Variants in SNX19 observed in about 807,000 individuals in gnomAD.
The protein encoded by SNX19 is sorting nexin 19.
Under a neutral mutation model 85.2 loss-of-function variants are expected in SNX19, and 60 were observed. That is an observed-to-expected ratio of 0.70 (90% CI 0.57 to 0.87). The LOEUF is 0.87. Among genes scored for constraint, SNX19 ranks in the 40% least tolerant of loss-of-function variants. SNX19 has a pLI of 0.00. For synonymous variants in SNX19, 520 were observed against 470.0 expected, an observed-to-expected ratio of 1.11 and a Z score of -1.38; for missense variants, 1,201 against 1,217.8, an observed-to-expected ratio of 0.99 and a Z score of 0.21.
chr11:130,895,888 C>T (rs1345083776), intron 8 of SNX19, among the ~76,000 whole-genome samples: 1 of 152,160 alleles, frequency 6.6e-6, no homozygotes, highest in African/African-American at 2.4e-5. Context: ...ATATGACAGG[C>T]AGACCACTCA....
At chr11:130,911,893 G>T (rs1946159533) in intron 1 of SNX19, 122 bp from the exon 2 acceptor site, 1 of 934,652 alleles carries the variant, frequency 1.1e-6, no homozygotes, top group Non-Finnish European at 1.6e-6. Flanking sequence ...ACAAAGGGAG[G>T]GAGTATGTTC....
rs1592262588 is a variant in SNX19, at chr11:130,874,128, T to A, written c.*4294A>T. On this transcript the variant is annotated 3_prime_UTR_variant, in exon 11 of 11. Transcript: ENST00000265909. ...GCCTCAAATTCCTGGGCTCAAGTGA[T>A]CCTCCTGCCTCAGCCTCCCTAGTAG... 6.6e-6 allele frequency among the ~76,000 whole-genome samples: 1 copy of A among 152,032 alleles called. No homozygotes were observed. Among genetic ancestry groups the A allele is most frequent in the African/African-American group, 2.4e-5 (1 of 41,380 alleles).
At chr11:130,911,585 C>T in intron 2 of SNX19, 48 bp downstream of exon 2, 2 of 1,610,770 alleles carry the variant, frequency 1.2e-6, no homozygotes, top group Non-Finnish European at 1.7e-6. Flanking sequence ...ATCAGCGTGG[C>T]TCGACGTGGG....
At chr11:130,884,285 G>A (rs1176009601) in intron 8 of SNX19, among the ~76,000 whole-genome samples, 4 of 152,110 alleles carry the variant, frequency 2.6e-5, no homozygotes, top group African/African-American at 9.7e-5. Context: ...TTGTTAAAAG[G>A]GGCAGAAGTC....
In SNX19 at chr11:130,915,401, T is replaced by C. The variant is rs1371731462; in HGVS notation, c.539A>G (p.Asn180Ser). 2 of 1,613,968 alleles carry C rather than the reference T, an allele frequency of 1.2e-6. No individual in the cohort carries two copies. Among genetic ancestry groups the C allele is most frequent in the South Asian group, 1.1e-5 (1 of 91,080 alleles). ...IQAKEATAGK[N>S]GPVEPSHLWE... ...GAGGTGGGAAGGCTCAACTGGACCA[T>C]TCTTCCCTGCAGTGGCCTCCTTTGC... Residue 180 changes from asparagine (N) to serine (S), a missense_variant, in exon 1 of 11, where the codon AAT becomes AGT. Asn to Ser is a conservative substitution (Grantham distance 46). This residue lies in a region of SNX19 where 791 missense variants were observed against 750.9 expected (regional missense o/e 1.05). Transcript: ENST00000265909.
chr11:130,894,097 G>A (rs1232516201), intron 8 of SNX19, among the ~76,000 whole-genome samples: 1 of 148,788 alleles, frequency 6.7e-6, no homozygotes, highest in Non-Finnish European at 1.5e-5. Flanking sequence ...CCTAACATCG[G>A]GGCTATTCAG....
intron 8 of SNX19, among the ~76,000 whole-genome samples, chr11:130,891,587 G>A (rs564972324): frequency 6.6e-5 from 10 of 152,270 alleles, no homozygotes; most frequent in African/African-American, 2.2e-4. Flanking sequence ...TGCCTCTGAC[G>A]GATGGAGCAG....
In SNX19 at chr11:130,874,472, C is replaced by T. The variant is rs1212396539; in HGVS notation, c.*3950G>A. ...CAGGAAGGCAGGCAGTCTGAGAGCA[C>T]AGCTGACCTAATTAGAATGGCAAGG... On this transcript the variant is annotated 3_prime_UTR_variant, in exon 11 of 11. Coordinates refer to ENST00000265909, the MANE Select transcript of SNX19 (RefSeq NM_014758.3). Among the ~76,000 whole-genome samples, 1 of 152,210 alleles carries T rather than the reference C, an allele frequency of 6.6e-6. No individual in the cohort carries two copies.
chr11:130,913,845 A>G (rs948372943), intron 1 of SNX19, among the ~76,000 whole-genome samples: 2 of 152,174 alleles, frequency 1.3e-5, no homozygotes, highest in Admixed American at 1.3e-4. Context: ...CAATTCCCCA[A>G]GATGGCCTTA....
intron 8 of SNX19, among the ~76,000 whole-genome samples, chr11:130,898,005 C>T (rs1322278987): frequency 6.6e-6 from 1 of 152,156 alleles, no homozygotes; most frequent in Non-Finnish European, 1.5e-5. Flanking sequence ...CTTAACAATG[C>T]CTTTTTTGGG....
Position 130,868,287 on chromosome 11 carries a change from C to T in SNX19, c.*10135G>A, listed in dbSNP as rs1350516533. On this transcript the variant is annotated 3_prime_UTR_variant, in exon 11 of 11. Coordinates refer to ENST00000265909, the MANE Select transcript of SNX19 (RefSeq NM_014758.3). Reference sequence around the variant, plus strand: ...CTTCCCACTTTAGCTCAGCATTATACACACAAAACGGGTGGGTGCGGAGCC... The same window carrying T: ...CTTCCCACTTTAGCTCAGCATTATATACACAAAACGGGTGGGTGCGGAGCC... 6.6e-6 allele frequency: 1 copy of T among 152,178 alleles called. No homozygotes were observed. The highest frequency in any genetic ancestry group is 1.5e-5 in the Non-Finnish European group (1 of 68,052). 9.4% of individuals were successfully genotyped at this position (152,178 alleles called of 1,614,324 possible).
At chr11:130,904,694 AT>A (rs34208870) in intron 7 of SNX19, among the ~76,000 whole-genome samples, 1 of 148,778 alleles carries the variant, frequency 6.7e-6, no homozygotes, top group East Asian at 2.0e-4. Context: ...AAAATGGTAG[AT>A]TTTTTTTTGT....
Position 130,880,728 on chromosome 11 carries a change from G to C in SNX19, c.2652C>G (p.Ile884Met), listed in dbSNP as rs572860177. Reference sequence around the variant, plus strand: ...ACTTAGGCAAAACTCCACCAGGCCAGATGGACTCCTGAAGAAGCAGGAGGT... The same window carrying C: ...ACTTAGGCAAAACTCCACCAGGCCACATGGACTCCTGAAGAAGCAGGAGGT... ...VQYLLLLQES[I>M]WPGGVLPKFP... The change falls in exon 9 of 11, where the codon ATC becomes ATG. Residue 884 changes from isoleucine (I) to methionine (M), a missense_variant. Ile to Met is a conservative substitution (Grantham distance 10). Transcript: ENST00000265909. 9.9e-6 allele frequency: 16 copies of C among 1,612,278 alleles called. No individual in the cohort carries two copies. Among genetic ancestry groups the C allele is most frequent in the African/African-American group, 1.3e-5 (1 of 74,912 alleles).
intron 8 of SNX19, among the ~76,000 whole-genome samples, chr11:130,899,428 G>T (rs1001298203): frequency 2.6e-5 from 4 of 152,146 alleles, no homozygotes; most frequent in African/African-American, 4.8e-5. Context: ...CAGGAAAACT[G>T]TGAAACCAGC....
rs1465542042 is a variant in SNX19, at chr11:130,916,134, CACT to C, written c.-198_-196del. On this transcript the variant is annotated 5_prime_UTR_variant, in exon 1 of 11. Transcript: ENST00000265909. ...CAGCTCCGCGTCTCCCCATGGCTACCACTAACAGAGCCCTCCAACTCGCCCCTT... is the reference window on the plus strand; with the variant it reads ...CAGCTCCGCGTCTCCCCATGGCTACCAACAGAGCCCTCCAACTCGCCCCTT... The C allele has an allele frequency of 5.0e-6, 3 of 597,598 alleles. No individual in the cohort carries two copies. Among genetic ancestry groups the C allele is most frequent in the Non-Finnish European group, 8.9e-6 (3 of 337,638 alleles). The allele number at this position is 597,598 out of a possible 1,614,324, so 37.0% of individuals were successfully genotyped here. A position where few individuals can be genotyped will look rare whatever the true frequency, so the allele number is the denominator to read the frequency against.
At chr11:130,905,580 A>C in intron 7 of SNX19, 1 of 1,205,454 alleles carries the variant, frequency 8.3e-7, no homozygotes, top group Non-Finnish European at 1.1e-6. Context: ...CTAAGAAGCC[A>C]CGAAAAAGGC....
intron 5 of SNX19, among the ~76,000 whole-genome samples, chr11:130,907,198 A>G (rs1306029351): frequency 6.6e-6 from 1 of 152,198 alleles, no homozygotes; most frequent in Non-Finnish European, 1.5e-5. Context: ...GATAACATCA[A>G]TGTTTCAAGG....
chr11:130,892,347 T>C (rs1944558776), intron 8 of SNX19, among the ~76,000 whole-genome samples: 1 of 152,128 alleles, frequency 6.6e-6, no homozygotes. Flanking sequence ...ACAAACTCTC[T>C]GAGCTCTGGC....
At position 130,876,550 on chromosome 11, in the gene SNX19, G is replaced by C. The variant is rs1204480155; in HGVS notation, c.*1872C>G. 1 of 152,650 alleles carries C rather than the reference G, an allele frequency of 6.6e-6. No individual in the cohort carries two copies. The highest frequency in any genetic ancestry group is 2.4e-5 in the African/African-American group (1 of 41,450). 9.5% of individuals were successfully genotyped at this position (152,650 alleles called of 1,614,324 possible). A position where few individuals can be genotyped will look rare whatever the true frequency, so the allele number is the denominator to read the frequency against. ...CTGATTTTGTGCCACATTTGAGCCAGAACTGGCAGCAGATTCAAAGCAACA... is the reference window on the plus strand; with the variant it reads ...CTGATTTTGTGCCACATTTGAGCCACAACTGGCAGCAGATTCAAAGCAACA... On this transcript the variant is annotated 3_prime_UTR_variant, in exon 11 of 11. Coordinates refer to ENST00000265909, the MANE Select transcript of SNX19 (RefSeq NM_014758.3).
Sources: allele counts gnomAD v4.1 joint callset (sites outside exome capture counted in the v4.1 genomes callset), GRCh38; gene constraint gnomAD v4.1.1; regional missense constraint gnomAD v4.1.1; transcripts MANE v1.5; gene names NCBI Gene and HGNC (gene_info 2026-07-23, HGNC 2026-07-21).